The following CAMK1D variants were observed in gnomAD, a reference collection of about 807,000 sequenced individuals.
The protein encoded by CAMK1D is calcium/calmodulin dependent protein kinase ID, also known as calcium/calmodulin-dependent protein kinase type 1D.
CAMK1D carries 9 observed loss-of-function variants against 47.7 expected under a neutral mutation model. The observed-to-expected ratio is 0.19, with a 90% confidence interval of 0.11 to 0.33. The LOEUF is 0.33. Among genes scored for constraint, CAMK1D ranks in the 10% least tolerant of loss-of-function variants. The probability of loss-of-function intolerance (pLI) is 1.00; values close to 1 mark genes in which losing one functional copy is unlikely to be tolerated. For synonymous variants in CAMK1D, 184 were observed against 184.9 expected (o/e 0.99, Z 0.04); for missense variants, 291 against 488.7 (o/e 0.60, Z 3.81).
chr10:12,542,138 C>G (rs1235584167), intron 1 of CAMK1D, among the ~76,000 whole-genome samples: 1 of 151,674 alleles, frequency 6.6e-6, no homozygotes, highest in African/African-American at 2.4e-5. Context: ...CTTGGCCTCC[C>G]AAAGTGCTGG....
chr10:12,357,433 A>T (rs1837550539), intron 1 of CAMK1D, among the ~76,000 whole-genome samples: 1 of 151,990 alleles, frequency 6.6e-6, no homozygotes, highest in South Asian at 2.1e-4. Context: ...CTCCTGCCTC[A>T]GCCTCCCGAG....
intron 3 of CAMK1D, among the ~76,000 whole-genome samples, chr10:12,723,596 C>T (rs1045575676): frequency 7.2e-5 from 11 of 152,116 alleles, no homozygotes; most frequent in Non-Finnish European, 1.5e-4. Context: ...AATCAGCCTA[C>T]TTATGAATGA....
rs1158660580 is a variant in CAMK1D, at chr10:12,787,927, G to A, written c.566-3231G>A. Among the ~76,000 whole-genome samples the A allele has an allele frequency of 2.0e-5, 3 of 152,156 alleles. No individual in the cohort carries two copies. In the East Asian group the frequency reaches 5.8e-4, roughly 29 times the overall value. ...AGGCAGGAGAATGGCTTGAACCCAG[G>A]AGGTGGAGGTTGCAGTGAGCTGAGA... On this transcript the variant is annotated intron_variant, in intron 5 of 10. Transcript: ENST00000619168.
chr10:12,795,299 G>A (rs1439722107), intron 6 of CAMK1D, among the ~76,000 whole-genome samples: 4 of 152,184 alleles, frequency 2.6e-5, no homozygotes, highest in African/African-American at 7.2e-5. Flanking sequence ...GGTTTGTGTC[G>A]ATGTCAGAGG....
chr10:12,439,657 C>T (rs1295708147), intron 1 of CAMK1D, among the ~76,000 whole-genome samples: 1 of 152,188 alleles, frequency 6.6e-6, no homozygotes, highest in Non-Finnish European at 1.5e-5. Context: ...CGAGGACTTA[C>T]TTGTTTGTTC....
intron 2 of CAMK1D, 112 bp downstream of exon 2, chr10:12,553,468 A>G: frequency 1.2e-6 from 1 of 810,478 alleles, no homozygotes; most frequent in East Asian, 2.5e-5. Flanking sequence ...CCCCCAGAGG[A>G]CCCAGGCTGT....
intron 6 of CAMK1D, among the ~76,000 whole-genome samples, chr10:12,793,351 AT>A (rs1355470129): frequency 6.6e-6 from 1 of 152,046 alleles, no homozygotes; most frequent in Non-Finnish European, 1.5e-5. Flanking sequence ...TGTTTGTATA[AT>A]TATTTCCCTG....
chr10:12,368,755 A>AAG lies in CAMK1D; in HGVS notation c.92+18846_92+18847insGA, dbSNP rs1410715530. Among the ~76,000 whole-genome samples the AAG allele has an allele frequency of 6.6e-5, 10 of 151,880 alleles. No homozygotes were observed. In the East Asian group the frequency reaches 9.7e-4, roughly 15 times the overall value. On this transcript the variant is annotated intron_variant, in intron 1 of 10. Transcript: ENST00000619168. ...TAAGACCCTGTCTCAAAAAAAAAAA[A>AAG]AAAGAAAGAGTATAACACATGCTGC...
chr10:12,682,298 C>A (rs572191089), intron 3 of CAMK1D, among the ~76,000 whole-genome samples: 1 of 152,104 alleles, frequency 6.6e-6, no homozygotes, highest in Admixed American at 6.6e-5. Flanking sequence ...GTCTTTGTGG[C>A]GCCCCTATTT....
chr10:12,496,950 G>A lies in CAMK1D; in HGVS notation c.93-56275G>A, dbSNP rs144711330. On this transcript the variant is annotated intron_variant, in intron 1 of 10. Coordinates refer to ENST00000619168, the MANE Select transcript of CAMK1D (RefSeq NM_153498.4). ...TTTTCCTCCCTGTGTCCGTGTGTTC[G>A]CATAGTTCAGCTCCCACTTATAAGT... 7.3e-3 allele frequency among the ~76,000 whole-genome samples: 1,118 copies of A among 152,150 alleles called. 8 individuals carry two copies. Among genetic ancestry groups the A allele is most frequent in the African/African-American group, 0.026 (1,066 of 41,504 alleles).
intron 1 of CAMK1D, among the ~76,000 whole-genome samples, chr10:12,352,587 CCA>C (rs1837384561): frequency 6.6e-6 from 1 of 151,050 alleles, no homozygotes; most frequent in South Asian, 2.1e-4. Flanking sequence ...CCAGCCTGGG[CCA>C]CAGAGTGAGA....
intron 3 of CAMK1D, among the ~76,000 whole-genome samples, chr10:12,754,413 G>A (rs1025504262): frequency 6.6e-5 from 10 of 152,222 alleles, no homozygotes; most frequent in African/African-American, 2.4e-4. Context: ...GCTCCATACA[G>A]GATCATTCCA....
chr10:12,700,570 G>C (rs1269625412), intron 3 of CAMK1D, among the ~76,000 whole-genome samples: 1 of 152,172 alleles, frequency 6.6e-6, no homozygotes, highest in Non-Finnish European at 1.5e-5. Flanking sequence ...CTGAGCTTAG[G>C]AGCACTAAGT....
intron 1 of CAMK1D, among the ~76,000 whole-genome samples, chr10:12,547,157 G>A (rs1343123740): frequency 1.3e-5 from 2 of 152,196 alleles, no homozygotes; most frequent in African/African-American, 4.8e-5. Flanking sequence ...GGACATAAAG[G>A]CAGAAGGAGA....
intron 1 of CAMK1D, among the ~76,000 whole-genome samples, chr10:12,493,968 C>T (rs544079183): frequency 1.1e-4 from 17 of 152,170 alleles, no homozygotes; most frequent in Admixed American, 2.6e-4. Flanking sequence ...TGCCATTGGA[C>T]GGAGGTGAGG....
intron 3 of CAMK1D, among the ~76,000 whole-genome samples, chr10:12,714,761 T>TACACACACACACACACAC (rs55827922): frequency 6.5e-4 from 85 of 130,578 alleles, no homozygotes; most frequent in South Asian, 2.5e-3. Context: ...TACATTAAAT[T>TACACACACACACACACAC]ACACACACAC....
chr10:12,718,185 A>G (rs1286264200), intron 3 of CAMK1D, among the ~76,000 whole-genome samples: 1 of 151,952 alleles, frequency 6.6e-6, no homozygotes, highest in African/African-American at 2.4e-5. Context: ...TGTTTTTTGG[A>G]TCGATTTCTA....
intron 1 of CAMK1D, among the ~76,000 whole-genome samples, chr10:12,386,024 G>A (rs571433688): frequency 6.6e-6 from 1 of 152,178 alleles, no homozygotes; most frequent in Non-Finnish European, 1.5e-5. Context: ...GGGATTACAG[G>A]CGTGAGCCAC....
intron 1 of CAMK1D, among the ~76,000 whole-genome samples, chr10:12,553,001 C>T (rs977389806): frequency 2.0e-5 from 3 of 152,096 alleles, no homozygotes; most frequent in African/African-American, 7.2e-5. Flanking sequence ...CCTTGGCCTC[C>T]CAAAGTGTCG....
Sources: allele counts gnomAD v4.1 joint callset (sites outside exome capture counted in the v4.1 genomes callset), GRCh38; gene constraint gnomAD v4.1.1; transcripts MANE v1.5; gene names NCBI Gene and HGNC (gene_info 2026-07-23, HGNC 2026-07-21).